Variants in TTN observed in about 807,000 individuals in gnomAD.
TTN encodes the protein connectin.
In TTN, 1,525 loss-of-function variants were observed where a neutral mutation model predicts 3,223.0. The observed-to-expected ratio is 0.47, with a 90% confidence interval of 0.45 to 0.49. The LOEUF is 0.49. Among genes scored for constraint, TTN ranks in the 20% least tolerant of loss-of-function variants. The pLI is 0.00. For missense variants in TTN, 40,786 were observed against 43,424.0 expected, an observed-to-expected ratio of 0.94 and a Z score of 5.40; for synonymous variants, 14,094 against 15,161.0, an observed-to-expected ratio of 0.93 and a Z score of 5.17.
intron 143 of TTN, 110 bp from the exon 144 acceptor site, chr2:178,678,607 A>G: frequency 8.7e-7 from 1 of 1,146,124 alleles, no homozygotes; most frequent in African/African-American, 1.6e-5. Flanking sequence ...AAGGTATTCC[A>G]AGAAGCATTT....
chr2:178,673,639 C>T lies in TTN; in HGVS notation c.34780G>A (p.Ala11594Thr). 1 of 1,592,598 alleles carries T rather than the reference C, an allele frequency of 6.3e-7. No individual in the cohort carries two copies. Among genetic ancestry groups the T allele is most frequent in the Non-Finnish European group, 8.5e-7 (1 of 1,171,612 alleles). ...TAATGAGGATTTGATATACCTTTAG[C>T]TGGTGGTGCCTCCACTTTTTTAGGA... ...PVPKKVEAPP[A>T]KVSKKIPEEK... Residue 11594 changes from alanine (A) to threonine (T), a missense_variant, in exon 152 of 363, where the codon GCT (alanine) becomes ACT (threonine). By Grantham distance (58) the Ala-to-Thr change is moderately conservative. Coordinates refer to ENST00000589042, the MANE Select transcript of TTN (RefSeq NM_001267550.2).
At position 178,768,839 on chromosome 2, in the gene TTN, G is replaced by T. The variant is rs2090989724; in HGVS notation, c.8997C>A (p.Tyr2999Ter). Residue 2999 changes from tyrosine to a stop codon, truncating the protein, a stop_gained, in exon 38 of 363, where the codon TAC becomes TAA. Transcript: ENST00000589042. LOFTEE classifies it high-confidence loss of function. ...TTTCCACACCATTCTTTAACCATTTGTAAGAGATGCCTTCATAGTTCACTG... is the reference window on the plus strand; with the variant it reads ...TTTCCACACCATTCTTTAACCATTTTTAAGAGATGCCTTCATAGTTCACTG... The part of the protein sequence containing the change: ...EVTVNYEGIS[Y>*]KWLKNGVEIK... 6.2e-7 allele frequency: 1 copy of T among 1,613,926 alleles called. No homozygotes were observed. Among genetic ancestry groups the T allele is most frequent in the Non-Finnish European group, 8.5e-7 (1 of 1,179,992 alleles).
rs1559222190 is a variant in TTN, at chr2:178,553,811, G to C, written c.89198-4C>G. On this transcript the variant is annotated splice_polypyrimidine_tract_variant and splice_region_variant and intron_variant, in intron 333 of 362. Transcript: ENST00000589042. ...TTAGCAGGTGGACCTGGAGGATCTGGAATGGCCATTCACAATAAAATAATT... is the reference window on the plus strand; with the variant it reads ...TTAGCAGGTGGACCTGGAGGATCTGCAATGGCCATTCACAATAAAATAATT... 4.4e-6 allele frequency: 7 copies of C among 1,580,782 alleles called. No homozygotes were observed. The highest frequency in any genetic ancestry group is 4.5e-5 in the East Asian group (2 of 44,600).
At position 178,568,460 on chromosome 2, in the gene TTN, G is replaced by C; in HGVS notation, c.77672C>G (p.Pro25891Arg). 6.2e-7 allele frequency: 1 copy of C among 1,613,316 alleles called. No individual in the cohort carries two copies. Among genetic ancestry groups the C allele is most frequent in the Admixed American group, 1.7e-5 (1 of 59,954 alleles). ...TTTAACAGGTCCTTTTGGAGGATCAGGTTTATCTAGAGTTACAATTTCGAT... is the reference window on the plus strand; with the variant it reads ...TTTAACAGGTCCTTTTGGAGGATCACGTTTATCTAGAGTTACAATTTCGAT... ...ASIEIVTLDK[P>R]DPPKGPVKFD... Residue 25891 changes from proline to arginine, a missense_variant, in exon 326 of 363, where the codon CCT becomes CGT. Physicochemically the swap from Pro to Arg is moderately radical, Grantham distance 103 (BLOSUM62 -2). Coordinates refer to ENST00000589042, the MANE Select transcript of TTN (RefSeq NM_001267550.2).
At position 178,735,917 on chromosome 2, in the gene TTN, A is replaced by G; in HGVS notation, c.14529T>C (p.Ile4843=). The part of the protein sequence containing the change: ...AALSPSPNWR[I]SDAENKHILE... ...AAATGTGTTTGTTTTCTGCGTCGGA[A>G]ATCCTCCAGTTAGGTGAAGGTGAGA... is the stretch of plus-strand genomic sequence containing the variant. The change falls in exon 50 of 363, where the codon ATT becomes ATC. Residue 4843 remains isoleucine, a synonymous_variant. Transcript: ENST00000589042. The G allele has an allele frequency of 7.4e-6, 12 of 1,613,896 alleles. No individual in the cohort carries two copies. The highest frequency in any genetic ancestry group is 1.0e-5 in the Non-Finnish European group (12 of 1,179,822).
In TTN at chr2:178,646,496, A is replaced by G; in HGVS notation, c.40286T>C (p.Ile13429Thr). ...EPEPEPQPEE[I>T]PVKEPEPEKV... Reference sequence around the variant, plus strand: ...ACTGGATTGAATACCTTTTACTGGTATTTCTTCAGGCTGTGGTTCAGGTTC... The same window carrying G: ...ACTGGATTGAATACCTTTTACTGGTGTTTCTTCAGGCTGTGGTTCAGGTTC... The change falls in exon 216 of 363, where the codon ATA becomes ACA. Residue 13429 changes from isoleucine (I) to threonine (T), a missense_variant. Physicochemically the swap from Ile to Thr is moderately conservative, Grantham distance 89 (BLOSUM62 -1). Transcript: ENST00000589042. 6.5e-7 allele frequency: 1 copy of G among 1,546,596 alleles called. No homozygotes were observed. Among genetic ancestry groups the G allele is most frequent in the Non-Finnish European group, 8.7e-7 (1 of 1,144,008 alleles).
chr2:178,603,842 A>C (rs2054121501), intron 282 of TTN, 34 bp downstream of exon 282: 1 of 1,518,382 alleles, frequency 6.6e-7, no homozygotes, highest in South Asian at 1.4e-5. Flanking sequence ...TTTGTGCTTT[A>C]GAAATTAGTC....
In TTN at chr2:178,777,569, T is replaced by C. The variant is rs745448931; in HGVS notation, c.4496A>G (p.Asn1499Ser). Residue 1499 changes from asparagine (N) to serine (S), a missense_variant, in exon 26 of 363, where the codon AAT (asparagine) becomes AGT (serine). Coordinates refer to ENST00000589042, the MANE Select transcript of TTN (RefSeq NM_001267550.2). ...AATGACTACTTTATGGGTATAGTCA[T>C]TGACAATTTGCTGGCCTGTGAAAAT... ...FWFHDGQQIVNDYTHKVVIKE... is the reference protein window; with the variant it reads ...FWFHDGQQIVSDYTHKVVIKE... The C allele has an allele frequency of 1.9e-6, 3 of 1,613,964 alleles. No homozygotes were observed. Among genetic ancestry groups the C allele is most frequent in the South Asian group, 1.1e-5 (1 of 91,062 alleles).
intron 140 of TTN, 104 bp downstream of exon 140, chr2:178,679,790 T>C (rs2068921321): frequency 6.5e-7 from 1 of 1,540,700 alleles, no homozygotes; most frequent in Non-Finnish European, 8.8e-7. Flanking sequence ...TGCTTTAAAG[T>C]AAGCAATCAT....
Position 178,542,323 on chromosome 2 carries a change from T to G in TTN, c.97433A>C (p.Asn32478Thr), listed in dbSNP as rs876658096. The change falls in exon 349 of 363, where the codon AAC becomes ACC. Residue 32478 changes from asparagine to threonine, a missense_variant. Transcript: ENST00000589042. ...CAAGTAAGAGCCAATCCCGAAGCGG[T>G]TTGTTGCAGCCACACGGAACACATA... ...NEYVFRVAAT[N>T]RFGIGSYLQS... The G allele has an allele frequency of 2.0e-5, 33 of 1,612,898 alleles. No individual in the cohort carries two copies. The African/African-American group carries it at 4.1e-4, about 20-fold the overall frequency.
chr2:178,600,615 T>G, intron 288 of TTN: 1 of 531,388 alleles, frequency 1.9e-6, no homozygotes. Context: ...CGAGGAAAAT[T>G]ACAGCGAGGA....
In TTN at chr2:178,718,615, C is replaced by G. The variant is rs770243218; in HGVS notation, c.24506-15G>C. The G allele has an allele frequency of 6.2e-7, 1 of 1,605,488 alleles. No homozygotes were observed. The highest frequency in any genetic ancestry group is 1.3e-5 in the African/African-American group (1 of 74,450). On this transcript the variant is annotated splice_polypyrimidine_tract_variant and intron_variant, in intron 84 of 362. Coordinates refer to ENST00000589042, the MANE Select transcript of TTN (RefSeq NM_001267550.2). Reference sequence around the variant, plus strand: ...GGTGGCTGGTTCTATAAGGAGAAAACATGTGGGTAAAATTCTTGCCTTCTA... The same window carrying G: ...GGTGGCTGGTTCTATAAGGAGAAAAGATGTGGGTAAAATTCTTGCCTTCTA...
In TTN at chr2:178,609,561, T is replaced by C; in HGVS notation, c.51749A>G (p.Lys17250Arg). The change falls in exon 273 of 363, where the codon AAA becomes AGA. Residue 17250 changes from lysine (K) to arginine (R), a missense_variant. Physicochemically the swap from Lys to Arg is conservative, Grantham distance 26 (BLOSUM62 2). Coordinates refer to ENST00000589042, the MANE Select transcript of TTN (RefSeq NM_001267550.2). The stretch of plus-strand genomic sequence containing the variant: ...TTCTAGGCTTGTTCTCAGAATGACT[T>C]TGGGGGCATCTATAGTGATCATAAC... Reference protein sequence around the residue: ...TKAVDPIDAPKVILRTSLEVK... With the variant: ...TKAVDPIDAPRVILRTSLEVK... The C allele has an allele frequency of 6.2e-7, 1 of 1,607,214 alleles. No individual in the cohort carries two copies. Among genetic ancestry groups the C allele is most frequent in the Non-Finnish European group, 8.5e-7 (1 of 1,176,146 alleles).
intron 47 of TTN, chr2:178,746,289 T>C (rs1246044282): frequency 6.2e-7 from 1 of 1,612,174 alleles, no homozygotes; most frequent in East Asian, 2.2e-5. Flanking sequence ...TCTAAATCAA[T>C]TTTTAGTTCT....
chr2:178,781,929 TGG>T (rs34627830), intron 20 of TTN, among the ~76,000 whole-genome samples: 9 of 149,148 alleles, frequency 6.0e-5, no homozygotes, highest in African/African-American at 2.0e-4. Flanking sequence ...TGTGTGTGTG[TGG>T]GTGTGTTTGT....
At chr2:178,748,210 A>G in intron 47 of TTN, 1 of 1,613,078 alleles carries the variant, frequency 6.2e-7, no homozygotes, top group South Asian at 1.1e-5. Context: ...CACATGATTC[A>G]CTATAGATTT....
intron 15 of TTN, among the ~76,000 whole-genome samples, chr2:178,784,923 T>G (rs999473319): frequency 2.6e-5 from 4 of 152,236 alleles, no homozygotes; most frequent in African/African-American, 9.6e-5. Flanking sequence ...ATATGTAACT[T>G]ACAGTTCTTT....
intron 47 of TTN, chr2:178,751,336 A>T: frequency 6.2e-7 from 1 of 1,609,954 alleles, no homozygotes; most frequent in African/African-American, 1.3e-5. Context: ...TTTCACCTAC[A>T]TTAAGCCAAC....
At chr2:178,666,791 A>G (rs1164815672) in intron 163 of TTN, 33 bp downstream of exon 163, 3 of 1,508,156 alleles carry the variant, frequency 2.0e-6, no homozygotes, top group Non-Finnish European at 2.7e-6. Context: ...TGCAAACATG[A>G]GATTAAAAAG....
Sources: allele counts gnomAD v4.1 joint callset (sites outside exome capture counted in the v4.1 genomes callset), GRCh38; gene constraint gnomAD v4.1.1; transcripts MANE v1.5; gene names NCBI Gene and HGNC (gene_info 2026-07-23, HGNC 2026-07-21).